The following OSBPL10 variants were observed in gnomAD, a reference collection of about 807,000 sequenced individuals.
OSBPL10 encodes oxysterol binding protein like 10, also known as oxysterol-binding protein-related protein 10.
In OSBPL10, 49 loss-of-function variants were observed where a neutral mutation model predicts 81.7. That is an observed-to-expected ratio of 0.60 (90% CI 0.48 to 0.76). The LOEUF (loss-of-function observed/expected upper bound fraction) is 0.76, where lower values mean the gene tolerates loss of function less well. OSBPL10 is among the 30% of genes least tolerant of loss of function. The pLI is 0.00. For missense variants in OSBPL10, 923 were observed against 987.8 expected, an observed-to-expected ratio of 0.93 and a Z score of 0.88; for synonymous variants, 419 against 383.6, an observed-to-expected ratio of 1.09 and a Z score of -1.08.
intron 1 of OSBPL10, among the ~76,000 whole-genome samples, chr3:31,891,910 C>T (rs928518216): frequency 6.6e-5 from 10 of 152,010 alleles, no homozygotes; most frequent in Non-Finnish European, 1.2e-4. Context: ...CATTTGTTTT[C>T]GGAAAAATTT....
chr3:31,912,411 T>G (rs1696607786), intron 1 of OSBPL10, among the ~76,000 whole-genome samples: 2 of 141,170 alleles, frequency 1.4e-5, no homozygotes, highest in Admixed American at 7.0e-5. Context: ...AAAAAAAAAT[T>G]AAGGCAAAAT....
intron 2 of OSBPL10, among the ~76,000 whole-genome samples, chr3:32,014,298 A>C (rs4955122): frequency 0.99 from 150,566 of 152,146 alleles, 74,503 homozygotes; most frequent in East Asian, 1. Flanking sequence ...AACATATGCA[A>C]ATCAATAAAC....
intron 7 of OSBPL10, among the ~76,000 whole-genome samples, chr3:31,696,814 G>T (rs559058493): frequency 1.3e-5 from 2 of 152,284 alleles, no homozygotes; most frequent in South Asian, 4.1e-4. Flanking sequence ...TCTCAAACTT[G>T]TACCTGAGCC....
At chr3:31,670,691 T>G in intron 9 of OSBPL10, 106 bp downstream of exon 9, 1 of 1,286,700 alleles carries the variant, frequency 7.8e-7, no homozygotes, top group East Asian at 2.4e-5. Flanking sequence ...CAAGTTTATC[T>G]TGATTTTCAA....
chr3:31,744,663 C>T (rs1453071653), intron 5 of OSBPL10, among the ~76,000 whole-genome samples: 4 of 151,608 alleles, frequency 2.6e-5, no homozygotes, highest in Admixed American at 6.6e-5. Flanking sequence ...ATTTTAGGGA[C>T]ACTTCTTGGT....
chr3:31,811,947 G>A (rs1170975750), intron 4 of OSBPL10, among the ~76,000 whole-genome samples: 6 of 152,164 alleles, frequency 3.9e-5, no homozygotes, highest in Non-Finnish European at 7.4e-5. Context: ...AAGAAATAGA[G>A]TTATCACAGA....
chr3:31,728,364 G>A (rs1696873091), intron 6 of OSBPL10, among the ~76,000 whole-genome samples: 1 of 152,138 alleles, frequency 6.6e-6, no homozygotes, highest in Admixed American at 6.5e-5. Context: ...AGTCTCCAGG[G>A]GTGGGACTGA....
rs370466562 is a variant in OSBPL10 at position 32,018,614 on chromosome 3, G to C, written n.298+27877C>G. Reference sequence around the variant, plus strand: ...CCAGCTACTCGGGAGGCTGAGGTGGGAAGATCATTTGAGCCCAGGAGCTCA... The same window carrying C: ...CCAGCTACTCGGGAGGCTGAGGTGGCAAGATCATTTGAGCCCAGGAGCTCA... On this transcript the variant is annotated intron_variant and non_coding_transcript_variant, in intron 2 of 3. Coordinates refer to the OSBPL10 transcript ENST00000479173. Among the ~76,000 whole-genome samples, 26 of 152,286 alleles carry C rather than the reference G, an allele frequency of 1.7e-4. No homozygotes were observed. In the East Asian group the frequency reaches 1.7e-3, roughly 10 times the overall value.
At chr3:31,977,475 A>G (rs1207982226) in intron 1 of OSBPL10, among the ~76,000 whole-genome samples, 2 of 152,130 alleles carry the variant, frequency 1.3e-5, no homozygotes, top group African/African-American at 4.8e-5. Context: ...ACCAGAACCC[A>G]GTCTGAAATT....
intron 1 of OSBPL10, among the ~76,000 whole-genome samples, chr3:31,924,532 C>T (rs1697015800): frequency 6.6e-6 from 1 of 152,154 alleles, no homozygotes; most frequent in African/African-American, 2.4e-5. Context: ...AAATTGAAAA[C>T]ACAAGCCCAA....
chr3:31,789,425 A>G (rs1483639685), intron 4 of OSBPL10, among the ~76,000 whole-genome samples: 4 of 152,158 alleles, frequency 2.6e-5, no homozygotes, highest in Non-Finnish European at 5.9e-5. Context: ...TTGGAAAAGA[A>G]AACAGATGCT....
At chr3:31,980,018 T>A (rs181278376) in intron 1 of OSBPL10, among the ~76,000 whole-genome samples, 56 of 151,854 alleles carry the variant, frequency 3.7e-4, no homozygotes, top group African/African-American at 9.7e-4. Context: ...TTATTTATTT[T>A]TTTTGAGTCG....
chr3:31,751,004 G>A (rs555551409), intron 4 of OSBPL10, among the ~76,000 whole-genome samples: 2 of 152,034 alleles, frequency 1.3e-5, no homozygotes, highest in South Asian at 2.1e-4. Context: ...CCACATACTA[G>A]CTCTCTAAAA....
intron 7 of OSBPL10, among the ~76,000 whole-genome samples, chr3:31,693,821 G>A (rs1167924881): frequency 6.6e-6 from 1 of 152,136 alleles, no homozygotes; most frequent in African/African-American, 2.4e-5. Flanking sequence ...AGACTGGAGT[G>A]CAGTGGTATG....
rs1491532117 is a variant in OSBPL10 at position 31,812,720 on chromosome 3, AAG to A, written c.729+17318_729+17319del. On this transcript the variant is annotated intron_variant, in intron 4 of 11. Coordinates refer to ENST00000396556, the MANE Select transcript of OSBPL10 (RefSeq NM_017784.5). Reference sequence around the variant, plus strand: ...AATCTCTACACAGTAGGCAAAAAAAAAGAAAGAAAGAAAGAAAGAAAGAAAGA... The same window carrying A: ...AATCTCTACACAGTAGGCAAAAAAAAAAAGAAAGAAAGAAAGAAAGAAAGA... Among the ~76,000 whole-genome samples, 6 of 12,160 alleles carry A rather than the reference AAG, an allele frequency of 4.9e-4. 2 individuals are homozygous for A. Among genetic ancestry groups the A allele is most frequent in the African/African-American group, 1.1e-3 (2 of 1,874 alleles). 8.0% of individuals were successfully genotyped at this position (12,160 alleles called of 152,430 possible). A position where few individuals can be genotyped will look rare whatever the true frequency, so the allele number is the denominator to read the frequency against.
At chr3:31,983,467 A>G (rs915755871), upstream of OSBPL10, among the ~76,000 whole-genome samples, 27 of 152,370 alleles carry the variant, frequency 1.8e-4, no homozygotes, top group Admixed American at 4.6e-4. Flanking sequence ...CCCTTGAGAT[A>G]GACCAGTTCA....
At chr3:31,774,984 T>C (rs887301818) in intron 4 of OSBPL10, among the ~76,000 whole-genome samples, 3 of 151,120 alleles carry the variant, frequency 2.0e-5, no homozygotes, top group South Asian at 2.1e-4. Flanking sequence ...CTGGCCAACA[T>C]GGTGAAACCC....
intron 2 of OSBPL10, among the ~76,000 whole-genome samples, chr3:32,016,405 A>G (rs527484140): frequency 2.6e-5 from 4 of 151,980 alleles, no homozygotes; most frequent in South Asian, 4.2e-4. Flanking sequence ...ATGAGAACAC[A>G]TGGACACAGG....
intron 3 of OSBPL10, among the ~76,000 whole-genome samples, chr3:31,860,392 G>A (rs895714122): frequency 2.0e-5 from 3 of 152,190 alleles, no homozygotes; most frequent in South Asian, 2.1e-4. Context: ...ATGTCACTGA[G>A]TGAGTGACCT....
Sources: gnomAD v4.1 joint callset for allele counts (sites outside exome capture counted in the v4.1 genomes callset) on GRCh38, gnomAD v4.1.1 for gene constraint, MANE v1.5 for transcripts, NCBI Gene and HGNC (gene_info 2026-07-23, HGNC 2026-07-21) for gene names.